Variants in COL22A1 observed in about 807,000 individuals in gnomAD.
COL22A1 encodes the protein collagen type XXII alpha 1 chain.
In COL22A1, 221 loss-of-function variants were observed where a neutral mutation model predicts 248.9. That is an observed-to-expected ratio of 0.89 (90% CI 0.80 to 0.99). COL22A1 has a LOEUF of 0.99. Ranked by LOEUF, COL22A1 falls within the 50% of genes least tolerant of loss-of-function variation. The pLI is 0.00. For synonymous variants in COL22A1, 891 were observed against 793.4 expected (o/e 1.12, Z -2.07); for missense variants, 2,240 against 2,179.0 (o/e 1.03, Z -0.56).
At chr8:138,734,816 A>G (rs2131237153) in intron 23 of COL22A1, among the ~76,000 whole-genome samples, 1 of 152,358 alleles carries the variant, frequency 6.6e-6, no homozygotes, top group African/African-American at 2.4e-5. Flanking sequence ...AAAAGGTAGC[A>G]TATGGAAAAC....
intron 1 of COL22A1, among the ~76,000 whole-genome samples, chr8:138,900,577 T>G (rs1814474117): frequency 6.6e-6 from 1 of 152,246 alleles, no homozygotes; most frequent in Non-Finnish European, 1.5e-5. Flanking sequence ...TGCTAGAAAC[T>G]GTAAATGAAA....
In COL22A1 at chr8:138,613,872, G is replaced by C. The variant is rs1819103528; in HGVS notation, c.3973C>G (p.Pro1325Ala). ...AGTCGCAAAGCAAAACTCACCGGTGGGCCCCTTGGTCCTTGGGGACCCTGT... is the reference window on the plus strand; with the variant it reads ...AGTCGCAAAGCAAAACTCACCGGTGCGCCCCTTGGTCCTTGGGGACCCTGT... ...GPQGPQGPRGPPGKNGSPGSP... is the reference protein window; with the variant it reads ...GPQGPQGPRGAPGKNGSPGSP... Residue 1325 changes from proline to alanine, a missense_variant, in exon 56 of 65, where the codon CCA becomes GCA. By Grantham distance (27) the Pro-to-Ala change is conservative (BLOSUM62 -1). Coordinates refer to ENST00000303045, the MANE Select transcript of COL22A1 (RefSeq NM_152888.3). 1 of 1,613,812 alleles carries C rather than the reference G, an allele frequency of 6.2e-7. No homozygotes were observed. Among genetic ancestry groups the C allele is most frequent in the Non-Finnish European group, 8.5e-7 (1 of 1,179,708 alleles).
chr8:138,803,541 A>AAAT (rs1181293337), intron 10 of COL22A1, among the ~76,000 whole-genome samples: 2 of 152,134 alleles, frequency 1.3e-5, no homozygotes, highest in African/African-American at 4.8e-5. Context: ...AAATAAAATA[A>AAAT]AATAAAACAA....
At chr8:138,774,242 C>T (rs1814171134) in intron 16 of COL22A1, among the ~76,000 whole-genome samples, 1 of 152,066 alleles carries the variant, frequency 6.6e-6, no homozygotes, top group Admixed American at 6.5e-5. Flanking sequence ...AGGCCAGTCC[C>T]CGCCTCCCTG....
At chr8:138,665,384 T>G (rs538174703) in intron 41 of COL22A1, among the ~76,000 whole-genome samples, 1 of 152,162 alleles carries the variant, frequency 6.6e-6, no homozygotes, top group Admixed American at 6.5e-5. Context: ...AAGGGACAGA[T>G]AGTAAAGTGA....
chr8:138,703,479 A>C (rs1586508352), intron 30 of COL22A1, 132 bp from the exon 31 acceptor site: 4 of 698,970 alleles, frequency 5.7e-6, no homozygotes, highest in Middle Eastern at 5.0e-4. Flanking sequence ...AGGTAGGTGC[A>C]CCCTGCACCT....
At chr8:138,602,786 T>C (rs1818136489) in intron 59 of COL22A1, among the ~76,000 whole-genome samples, 1 of 152,212 alleles carries the variant, frequency 6.6e-6, no homozygotes, top group Non-Finnish European at 1.5e-5. Context: ...TGTCTCCACC[T>C]GGAATGTCTC....
rs1377127800 is a variant in COL22A1, at chr8:138,657,610, T to A, written c.3286-1666A>T. Among the ~76,000 whole-genome samples the A allele has an allele frequency of 2.0e-5, 3 of 152,176 alleles. No individual in the cohort carries two copies. The East Asian group carries it at 5.8e-4, about 29-fold the overall frequency. On this transcript the variant is annotated intron_variant, in intron 44 of 64. Transcript: ENST00000303045. The stretch of plus-strand genomic sequence containing the variant: ...TCTCAAAAGACACACAGGACCAGCA[T>A]GTGGATGGAGGCAGTGGCCTTGTGA...
chr8:138,689,160 G>GGT (rs1554749837), intron 36 of COL22A1, among the ~76,000 whole-genome samples, 190 bp from the exon 37 acceptor site: 1 of 145,084 alleles, frequency 6.9e-6, no homozygotes, highest in African/African-American at 2.8e-5. Context: ...TGCTCTCCCG[G>GGT]GGGGGGGGCT....
chr8:138,740,484 C>T (rs548002070), intron 22 of COL22A1, among the ~76,000 whole-genome samples: 51 of 152,232 alleles, frequency 3.4e-4, no homozygotes, highest in African/African-American at 1.2e-3. Flanking sequence ...CCTGAGCTGA[C>T]CCCAGGATCT....
intron 30 of COL22A1, among the ~76,000 whole-genome samples, chr8:138,706,003 C>T (rs541201537): frequency 1.4e-4 from 21 of 152,200 alleles, no homozygotes; most frequent in South Asian, 2.1e-4. Flanking sequence ...TAAAACAAAA[C>T]GGACTTTAAA....
At chr8:138,597,389 C>G (rs1184663499) in intron 61 of COL22A1, among the ~76,000 whole-genome samples, 1 of 152,168 alleles carries the variant, frequency 6.6e-6, no homozygotes, top group Non-Finnish European at 1.5e-5. Context: ...TCTATGTGAA[C>G]TCATGTGGAT....
intron 13 of COL22A1, among the ~76,000 whole-genome samples, chr8:138,779,821 G>A (rs1196926392): frequency 2.0e-5 from 3 of 152,182 alleles, no homozygotes; most frequent in African/African-American, 4.8e-5. Flanking sequence ...GAGTGCAATG[G>A]CACGATCATA....
intron 1 of COL22A1, among the ~76,000 whole-genome samples, chr8:138,908,260 T>C (rs1180555033): frequency 6.6e-6 from 1 of 152,246 alleles, no homozygotes; most frequent in Non-Finnish European, 1.5e-5. Flanking sequence ...GTTCAAATGC[T>C]GCATTTTGAT....
intron 16 of COL22A1, among the ~76,000 whole-genome samples, chr8:138,769,824 T>C (rs1432955572): frequency 6.6e-6 from 1 of 152,202 alleles, no homozygotes; most frequent in Non-Finnish European, 1.5e-5. Context: ...TGACTTTTTA[T>C]AAGGCTGACT....
intron 22 of COL22A1, among the ~76,000 whole-genome samples, chr8:138,744,532 G>T (rs898771701): frequency 6.6e-6 from 1 of 151,864 alleles, no homozygotes; most frequent in African/African-American, 2.4e-5. Flanking sequence ...AAGCAAAGAG[G>T]GTGGAGAATT....
chr8:138,738,645 C>T (rs1046536826), intron 22 of COL22A1, among the ~76,000 whole-genome samples: 7 of 152,192 alleles, frequency 4.6e-5, no homozygotes, highest in Admixed American at 1.3e-4. Context: ...CCTCATGTCT[C>T]TCTTGTTGCA....
chr8:138,863,919 G>A (rs778228670), intron 3 of COL22A1, among the ~76,000 whole-genome samples: 8 of 152,252 alleles, frequency 5.3e-5, no homozygotes, highest in East Asian at 1.9e-4. Flanking sequence ...AAGGGTTTCC[G>A]CTCTCGGATT....
chr8:138,632,273 G>A (rs1481708618), intron 49 of COL22A1, among the ~76,000 whole-genome samples: 1 of 152,160 alleles, frequency 6.6e-6, no homozygotes, highest in Non-Finnish European at 1.5e-5. Flanking sequence ...AGCTGTATAA[G>A]CCTAGGAAAC....
Sources: gnomAD v4.1 joint callset for allele counts (sites outside exome capture counted in the v4.1 genomes callset) on GRCh38, gnomAD v4.1.1 for gene constraint, MANE v1.5 for transcripts, NCBI Gene and HGNC (gene_info 2026-07-23, HGNC 2026-07-21) for gene names.